Variants in SLC25A36 observed in about 807,000 individuals in gnomAD.
SLC25A36 encodes the protein epididymis secretory sperm binding protein.
In SLC25A36, 24 loss-of-function variants were observed where a neutral mutation model predicts 35.3. That is an observed-to-expected ratio of 0.68 (90% CI 0.49 to 0.96). The LOEUF is 0.96. Among genes scored for constraint, SLC25A36 ranks in the 40% least tolerant of loss-of-function variants. The probability of loss-of-function intolerance (pLI) is 0.00; values close to 1 mark genes in which losing one functional copy is unlikely to be tolerated. For synonymous variants in SLC25A36, 141 were observed against 132.2 expected (o/e 1.07, Z -0.46); for missense variants, 294 against 381.1 (o/e 0.77, Z 1.90).
chr3:140,971,353 C>G (rs1934896021), intron 5 of SLC25A36, among the ~76,000 whole-genome samples: 1 of 152,126 alleles, frequency 6.6e-6, no homozygotes, highest in African/African-American at 2.4e-5. Flanking sequence ...GCCACAAGGT[C>G]AGCTAGTCTA....
chr3:140,968,079 C>G (rs1934808494), intron 4 of SLC25A36: 3 of 984,882 alleles, frequency 3.0e-6, no homozygotes, highest in Non-Finnish European at 3.6e-6. Context: ...GGGCTAACCT[C>G]AAATTGCCTT....
intron 4 of SLC25A36, chr3:140,970,658 C>A: frequency 3.9e-6 from 1 of 253,324 alleles, no homozygotes; most frequent in Admixed American, 5.0e-5. Flanking sequence ...AGAGAGCACC[C>A]TAAAGGATAT....
At chr3:140,975,157 GAGTGC>G (rs998240260) in intron 6 of SLC25A36, among the ~76,000 whole-genome samples, 1 of 120,232 alleles carries the variant, frequency 8.3e-6, no homozygotes, top group Non-Finnish European at 1.6e-5. Context: ...ACCCAGGCTT[GAGTGC>G]AGTCACATGA....
chr3:140,956,528 TGTG>T lies in SLC25A36; in HGVS notation c.49_51del (p.Gly17del), dbSNP rs1356192356. 1.3e-6 allele frequency: 2 copies of T among 1,550,064 alleles called. No homozygotes were observed. Among genetic ancestry groups the T allele is most frequent in the South Asian group, 2.5e-5 (2 of 80,218 alleles). On this transcript the variant is annotated inframe_deletion and splice_region_variant, in exon 2 of 7. Transcript: ENST00000324194. The stretch of plus-strand genomic sequence containing the variant: ...GTTCTTTTTTTTTTTTTTTTTTAGA[TGTG>T]GTGGTACAGTGGGAGCTATTCTGAC...
Position 140,942,108 on chromosome 3 carries a change from C to A in SLC25A36, c.41+13C>A. ...TGTTTGCCGGAGGGTAAGGTCCTGG[C>A]GGGGCGTGCGCACTGGGGCTGAGGG... is the stretch of plus-strand genomic sequence containing the variant. On this transcript the variant is annotated intron_variant, in intron 1 of 6. Coordinates refer to ENST00000324194, the MANE Select transcript of SLC25A36 (RefSeq NM_001104647.3). 2 of 1,362,218 alleles carry A rather than the reference C, an allele frequency of 1.5e-6. No individual in the cohort carries two copies. Among genetic ancestry groups the A allele is most frequent in the Non-Finnish European group, 9.9e-7 (1 of 1,014,064 alleles). The allele number at this position is 1,362,218 out of a possible 1,614,324, so 84.4% of individuals were successfully genotyped here.
intron 1 of SLC25A36, among the ~76,000 whole-genome samples, chr3:140,945,939 A>G (rs1295846513): frequency 6.6e-6 from 1 of 152,122 alleles, no homozygotes; most frequent in Non-Finnish European, 1.5e-5. Context: ...TCTTTTTTTC[A>G]TGGAGTCAGC....
At chr3:140,961,581 C>A (rs959866063) in intron 3 of SLC25A36, among the ~76,000 whole-genome samples, 1 of 151,984 alleles carries the variant, frequency 6.6e-6, no homozygotes, top group Non-Finnish European at 1.5e-5. Context: ...ATTGACCGGG[C>A]AGAGTGGCTC....
At chr3:140,956,832 G>T in intron 2 of SLC25A36, 141 bp downstream of exon 2, 1 of 1,304,750 alleles carries the variant, frequency 7.7e-7, no homozygotes, top group East Asian at 2.7e-5. Flanking sequence ...GTACTCATAA[G>T]GAATGATAAT....
At chr3:140,973,308 A>G (rs2680675) in intron 5 of SLC25A36, 151,731 of 153,010 alleles carry the variant, frequency 0.99, 75,255 homozygotes, top group Middle Eastern at 1. Context: ...CATTCTATTT[A>G]TGTTACTAAA....
At chr3:140,975,714 T>G (rs78194169) in intron 6 of SLC25A36, among the ~76,000 whole-genome samples, 11,351 of 152,274 alleles carry the variant, frequency 0.075, 532 homozygotes, top group East Asian at 0.17. Flanking sequence ...AAAAATTTAT[T>G]ATTTTTGCTT....
At chr3:140,947,401 T>G (rs1254999744) in intron 1 of SLC25A36, among the ~76,000 whole-genome samples, 1 of 152,214 alleles carries the variant, frequency 6.6e-6, no homozygotes, top group Non-Finnish European at 1.5e-5. Context: ...GTCTCGTATC[T>G]TACTATTTTT....
At chr3:140,971,061 T>G in intron 5 of SLC25A36, 68 bp downstream of exon 5, 1 of 722,492 alleles carries the variant, frequency 1.4e-6, no homozygotes, top group Middle Eastern at 2.5e-4. Context: ...ACAAAGTTTT[T>G]CTTTCCTTTG....
intron 4 of SLC25A36, chr3:140,968,636 A>C (rs1373449060): frequency 1.0e-6 from 1 of 962,652 alleles, no homozygotes; most frequent in Non-Finnish European, 1.2e-6. Context: ...ATTTATAAAA[A>C]TTTATTGTAC....
chr3:140,959,935 G>A (rs1005085058), intron 3 of SLC25A36, among the ~76,000 whole-genome samples: 2 of 152,084 alleles, frequency 1.3e-5, no homozygotes, highest in Admixed American at 6.5e-5. Flanking sequence ...GAAGTTTAAG[G>A]AACAGTGTAT....
intron 1 of SLC25A36, among the ~76,000 whole-genome samples, chr3:140,946,659 G>A (rs143902762): frequency 1.3e-5 from 2 of 152,274 alleles, no homozygotes; most frequent in South Asian, 2.1e-4. Flanking sequence ...GAAGAAGAGC[G>A]AAGAATAACT....
intron 1 of SLC25A36, among the ~76,000 whole-genome samples, chr3:140,951,823 T>TTTG (rs770723106): frequency 4.6e-5 from 7 of 151,710 alleles, no homozygotes; most frequent in Admixed American, 6.6e-5. Context: ...TTAATTTTGT[T>TTTG]TTGTTGTTGT....
intron 1 of SLC25A36, among the ~76,000 whole-genome samples, chr3:140,954,103 G>A (rs1273259496): frequency 1.3e-5 from 2 of 152,086 alleles, no homozygotes; most frequent in Non-Finnish European, 2.9e-5. Flanking sequence ...CTCTCATTTT[G>A]CCTTTTCTAG....
intron 1 of SLC25A36, among the ~76,000 whole-genome samples, chr3:140,943,821 G>C (rs1012769615): frequency 2.0e-5 from 3 of 152,156 alleles, no homozygotes; most frequent in Non-Finnish European, 4.4e-5. Flanking sequence ...ATGTTAGCTT[G>C]ATTGCACTAA....
chr3:140,951,106 C>T (rs1934312296), intron 1 of SLC25A36, among the ~76,000 whole-genome samples: 1 of 152,130 alleles, frequency 6.6e-6, no homozygotes, highest in Non-Finnish European at 1.5e-5. Context: ...TTTGGTATTT[C>T]CCTCTGCAAG....
Sources: allele counts gnomAD v4.1 joint callset (sites outside exome capture counted in the v4.1 genomes callset), GRCh38; gene constraint gnomAD v4.1.1; transcripts MANE v1.5; gene names NCBI Gene and HGNC (gene_info 2026-07-23, HGNC 2026-07-21).